PHYHIPL: variants seen among roughly 807,000 people sequenced by gnomAD.
The protein encoded by PHYHIPL is phytanoyl-CoA 2-hydroxylase interacting protein like, also known as phytanoyl-CoA hydroxylase-interacting protein-like.
Under a neutral mutation model 33.4 loss-of-function variants are expected in PHYHIPL, and 9 were observed. The ratio of observed to expected loss-of-function variants is 0.27; its 90% confidence interval spans 0.16 to 0.47. The LOEUF (loss-of-function observed/expected upper bound fraction) is 0.47. Among genes scored for constraint, PHYHIPL ranks in the 20% least tolerant of loss-of-function variants. The pLI, the probability that PHYHIPL is intolerant of heterozygous loss-of-function variation, is 0.99. For missense variants in PHYHIPL, 365 were observed against 460.7 expected (o/e 0.79, Z 1.90); for synonymous variants, 153 against 154.1 (o/e 0.99, Z 0.05).
intron 1 of PHYHIPL, among the ~76,000 whole-genome samples, chr10:59,190,950 T>C (rs1047606090): frequency 3.3e-5 from 5 of 151,886 alleles, no homozygotes; most frequent in African/African-American, 1.2e-4. Flanking sequence ...TATCTAAATA[T>C]CTAATCCTTA....
At chr10:59,233,996 A>G (rs1840152968) in intron 1 of PHYHIPL, among the ~76,000 whole-genome samples, 1 of 151,736 alleles carries the variant, frequency 6.6e-6, no homozygotes, top group Admixed American at 6.6e-5. Flanking sequence ...TGTCTATGAA[A>G]TTATCTGGCT....
At chr10:59,227,210 G>C (rs908480071) in intron 1 of PHYHIPL, among the ~76,000 whole-genome samples, 11 of 152,144 alleles carry the variant, frequency 7.2e-5, no homozygotes, top group African/African-American at 2.7e-4. Flanking sequence ...TTGTAGTTCA[G>C]GAAGCTGAGA....
At chr10:59,204,457 AT>A (rs1362525457) in intron 1 of PHYHIPL, among the ~76,000 whole-genome samples, 1 of 152,174 alleles carries the variant, frequency 6.6e-6, no homozygotes, top group African/African-American at 2.4e-5. Flanking sequence ...GGAGCTTTAA[AT>A]TTCTCCTGTC....
At chr10:59,233,365 A>G (rs894615551) in intron 1 of PHYHIPL, among the ~76,000 whole-genome samples, 2 of 151,874 alleles carry the variant, frequency 1.3e-5, no homozygotes, top group Admixed American at 6.6e-5. Flanking sequence ...ATAACATTTT[A>G]TTATGTTAAG....
chr10:59,227,237 C>T (rs752132589), intron 1 of PHYHIPL, among the ~76,000 whole-genome samples: 83 of 152,108 alleles, frequency 5.5e-4, no homozygotes, highest in Non-Finnish European at 1.0e-3. Context: ...AGGTGGAGGG[C>T]CTCTACCTAG....
intron 1 of PHYHIPL, among the ~76,000 whole-genome samples, chr10:59,185,631 T>G (rs1838572790): frequency 6.6e-6 from 1 of 152,190 alleles, no homozygotes; most frequent in Non-Finnish European, 1.5e-5. Flanking sequence ...CACCTGTTGT[T>G]TCCTGACCTT....
chr10:59,226,497 T>C (rs1337900723), intron 1 of PHYHIPL, among the ~76,000 whole-genome samples: 1 of 151,960 alleles, frequency 6.6e-6, no homozygotes, highest in Non-Finnish European at 1.5e-5. Flanking sequence ...ATGAAAATGG[T>C]TGTGGTGGTG....
intron 1 of PHYHIPL, among the ~76,000 whole-genome samples, chr10:59,202,319 T>C (rs1839144588): frequency 6.6e-6 from 1 of 152,158 alleles, no homozygotes; most frequent in Non-Finnish European, 1.5e-5. Context: ...CAAACACATG[T>C]ACCCCAGAAT....
intron 2 of PHYHIPL, among the ~76,000 whole-genome samples, chr10:59,235,358 G>C (rs1000717936): frequency 6.6e-6 from 1 of 151,850 alleles, no homozygotes; most frequent in African/African-American, 2.4e-5. Flanking sequence ...GAAATTAACA[G>C]TTATCTGCTT....
At chr10:59,207,906 A>C (rs909322963) in intron 1 of PHYHIPL, among the ~76,000 whole-genome samples, 3 of 150,862 alleles carry the variant, frequency 2.0e-5, no homozygotes, top group African/African-American at 4.9e-5. Flanking sequence ...AAAAAAAAAA[A>C]GGGCAGCAGC....
chr10:59,177,307 G>A, intron 1 of PHYHIPL: 1 of 663,114 alleles, frequency 1.5e-6, no homozygotes, highest in Non-Finnish European at 2.4e-6. Flanking sequence ...TGGGTCTCTG[G>A]GCACTGAAGG....
At position 59,215,963 on chromosome 10, in the gene PHYHIPL, T is replaced by A. The variant is rs147018490; in HGVS notation, c.107-18341T>A. ...GATGCCATTTACTGAAGTACAGAAA[T>A]ACTAGGTTAGAGGAAAAGATTGGAA... is the stretch of plus-strand genomic sequence containing the variant. On this transcript the variant is annotated intron_variant, in intron 1 of 4. Transcript: ENST00000373880. Among the ~76,000 whole-genome samples, 4 of 152,130 alleles carry A rather than the reference T, an allele frequency of 2.6e-5. No individual in the cohort carries two copies. The East Asian group carries it at 7.7e-4, about 29-fold the overall frequency.
rs1303674302 is a variant in PHYHIPL at position 59,245,845 on chromosome 10, T to C, written c.*254T>C. 1 of 433,322 alleles carries C rather than the reference T, an allele frequency of 2.3e-6. No homozygotes were observed. The highest frequency in any genetic ancestry group is 4.1e-6 in the Non-Finnish European group (1 of 242,994). The allele number at this position is 433,322 out of a possible 1,614,324, so 26.8% of individuals were successfully genotyped here. On this transcript the variant is annotated 3_prime_UTR_variant, in exon 5 of 5. Transcript: ENST00000373880. Reference sequence around the variant, plus strand: ...TTTTGACACTTTATTGCCTAGATGCTGCAATGTTTTTATGTTTCCTTTATG... The same window carrying C: ...TTTTGACACTTTATTGCCTAGATGCCGCAATGTTTTTATGTTTCCTTTATG...
chr10:59,246,920 A>C lies in PHYHIPL; in HGVS notation c.*1329A>C, dbSNP rs1375040644. The C allele has an allele frequency of 3.5e-6, 1 of 289,740 alleles. No individual in the cohort carries two copies. The highest frequency in any genetic ancestry group is 5.6e-5 in the East Asian group (1 of 17,786). The allele number at this position is 289,740 out of a possible 1,614,324, so 17.9% of individuals were successfully genotyped here. A position where few individuals can be genotyped will look rare whatever the true frequency, so the allele number is the denominator to read the frequency against. ...TACAATATTTTATTTTAATATAAACATCTGTCAGTTATAGACAAAGATAAT... is the reference window on the plus strand; with the variant it reads ...TACAATATTTTATTTTAATATAAACCTCTGTCAGTTATAGACAAAGATAAT... On this transcript the variant is annotated 3_prime_UTR_variant, in exon 5 of 5. Coordinates refer to ENST00000373880, the MANE Select transcript of PHYHIPL (RefSeq NM_032439.4).
intron 1 of PHYHIPL, among the ~76,000 whole-genome samples, chr10:59,207,890 CAA>C (rs1196589789): frequency 4.5e-4 from 41 of 91,294 alleles, no homozygotes; most frequent in Admixed American, 4.9e-4. Context: ...GACTCTGTCT[CAA>C]AAAAAAAAAA....
In PHYHIPL at chr10:59,176,916, C is replaced by A. The variant is rs1263347201; in HGVS notation, c.63C>A (p.Ile21=). 3.1e-6 allele frequency: 5 copies of A among 1,613,554 alleles called. No individual in the cohort carries two copies. Among genetic ancestry groups the A allele is most frequent in the Non-Finnish European group, 4.2e-6 (5 of 1,179,808 alleles). Reference sequence around the variant, plus strand: ...CCACCAGCCCCTGTGAGGAGGTGATCAAAAACCTCAGCCTGGAGGCCATTC... The same window carrying A: ...CCACCAGCCCCTGTGAGGAGGTGATAAAAAACCTCAGCCTGGAGGCCATTC... ...NSPTSPCEEV[I]KNLSLEAIQL... is the part of the protein sequence containing the mutation. The change falls in exon 1 of 5, where the codon ATC becomes ATA. Residue 21 remains isoleucine (I), a synonymous_variant. Transcript: ENST00000373880.
chr10:59,228,223 G>A (rs541782933), intron 1 of PHYHIPL, among the ~76,000 whole-genome samples: 1 of 152,068 alleles, frequency 6.6e-6, no homozygotes, highest in South Asian at 2.1e-4. Context: ...TAATAGAATA[G>A]AATACAAAAA....
At chr10:59,196,343 CATAAT>C (rs1026584038) in intron 1 of PHYHIPL, among the ~76,000 whole-genome samples, 46 of 149,434 alleles carry the variant, frequency 3.1e-4, no homozygotes, top group African/African-American at 1.1e-3. Context: ...CTATAATGTA[CATAAT>C]ATATTAGTAT....
At chr10:59,211,061 T>TA in intron 1 of PHYHIPL, among the ~76,000 whole-genome samples, 2 of 151,594 alleles carry the variant, frequency 1.3e-5, no homozygotes. Context: ...AAAGTATAAT[T>TA]AAAAAAAAGT....
Sources: allele counts gnomAD v4.1 joint callset (sites outside exome capture counted in the v4.1 genomes callset), GRCh38; gene constraint gnomAD v4.1.1; transcripts MANE v1.5; gene names NCBI Gene and HGNC (gene_info 2026-07-23, HGNC 2026-07-21).